SNX3: variants seen among roughly 807,000 people sequenced by gnomAD.
The protein encoded by SNX3 is sorting nexin 3.
A neutral mutation model predicts 17.7 loss-of-function variants in SNX3; 5 were observed. The observed-to-expected ratio is 0.28, with a 90% CI of 0.15 to 0.59. SNX3 has a LOEUF of 0.59. Ranked by LOEUF, SNX3 falls within the 20% of genes least tolerant of loss-of-function variation. The pLI is 0.88. For missense variants in SNX3, 132 were observed against 206.8 expected, an observed-to-expected ratio of 0.64 and a Z score of 2.22; for synonymous variants, 91 against 76.5, an observed-to-expected ratio of 1.19 and a Z score of -0.99.
chr6:108,247,026 G>T (rs970156622), intron 1 of SNX3, among the ~76,000 whole-genome samples: 1 of 152,128 alleles, frequency 6.6e-6, no homozygotes. Flanking sequence ...TAATCCCCAC[G>T]TGTAAACCCC....
At chr6:108,250,882 A>G (rs1380399210) in intron 1 of SNX3, among the ~76,000 whole-genome samples, 6 of 152,230 alleles carry the variant, frequency 3.9e-5, no homozygotes, top group African/African-American at 1.4e-4. Flanking sequence ...ATACTGCTGG[A>G]CACAAAGTAA....
intron 1 of SNX3, among the ~76,000 whole-genome samples, chr6:108,231,514 GC>G (rs1247593572): frequency 7.2e-5 from 11 of 152,188 alleles, no homozygotes; most frequent in African/African-American, 2.7e-4. Context: ...CTCATGACCA[GC>G]TTTGTTTTGC....
At position 108,260,835 on chromosome 6, in the gene SNX3, G is replaced by A. The variant is rs776400846; in HGVS notation, c.87C>T (p.Leu29=). The change falls in exon 1 of 4, where the codon CTC becomes CTT. Residue 29 remains leucine (L), a synonymous_variant. Transcript: ENST00000230085. ...TTTGCGGGTTGCTCACATCGATCTC[G>A]AGGAAGTTGCTGGGGGGTCCGTAGG... is the stretch of plus-strand genomic sequence containing the variant. ...NDAYGPPSNF[L]EIDVSNPQTV... 1.2e-6 allele frequency: 2 copies of A among 1,613,832 alleles called. No individual in the cohort carries two copies. The highest frequency in any genetic ancestry group is 1.7e-6 in the Non-Finnish European group (2 of 1,179,832).
chr6:108,257,537 T>C (rs1276179189), intron 1 of SNX3, among the ~76,000 whole-genome samples: 1 of 152,024 alleles, frequency 6.6e-6, no homozygotes, highest in Non-Finnish European at 1.5e-5. Flanking sequence ...TTACAAAATA[T>C]TAAACTATTC....
intron 1 of SNX3, among the ~76,000 whole-genome samples, chr6:108,258,475 A>AT (rs950167265): frequency 3.3e-5 from 5 of 151,570 alleles, no homozygotes; most frequent in African/African-American, 9.7e-5. Flanking sequence ...AAAAAAAAAA[A>AT]TTTTCTTTAA....
At chr6:108,255,220 G>A (rs987276377) in intron 1 of SNX3, among the ~76,000 whole-genome samples, 6 of 152,192 alleles carry the variant, frequency 3.9e-5, no homozygotes, top group African/African-American at 1.4e-4. Context: ...TCTCCTTGAT[G>A]GAGATCCTGG....
At chr6:108,232,338 A>G (rs1775190467) in intron 1 of SNX3, among the ~76,000 whole-genome samples, 1 of 152,202 alleles carries the variant, frequency 6.6e-6, no homozygotes, top group Non-Finnish European at 1.5e-5. Flanking sequence ...GATATTACAT[A>G]CTAAGGAAAA....
At chr6:108,218,697 T>C (rs1774661753) in intron 2 of SNX3, among the ~76,000 whole-genome samples, 1 of 152,214 alleles carries the variant, frequency 6.6e-6, no homozygotes, top group African/African-American at 2.4e-5. Context: ...AATGAAGTAA[T>C]TGATGCATGT....
intron 1 of SNX3, among the ~76,000 whole-genome samples, chr6:108,223,689 G>A (rs915833392): frequency 9.9e-5 from 15 of 151,496 alleles, no homozygotes; most frequent in Admixed American, 6.6e-5. Flanking sequence ...TAGTAGAGGC[G>A]GGGTTTCACC....
intron 1 of SNX3, among the ~76,000 whole-genome samples, chr6:108,227,509 G>A (rs937799759): frequency 6.6e-5 from 10 of 152,180 alleles, no homozygotes; most frequent in African/African-American, 2.4e-4. Flanking sequence ...CACTCTAACA[G>A]AAAGGGGAGG....
chr6:108,257,165 T>A (rs931778394), intron 1 of SNX3, among the ~76,000 whole-genome samples: 12 of 152,162 alleles, frequency 7.9e-5, no homozygotes, highest in African/African-American at 2.9e-4. Context: ...CATAGCAAAT[T>A]CAACAGCAAA....
At chr6:108,236,859 C>A (rs1775361620) in intron 1 of SNX3, among the ~76,000 whole-genome samples, 1 of 152,154 alleles carries the variant, frequency 6.6e-6, no homozygotes, top group South Asian at 2.1e-4. Context: ...GCTATAACAG[C>A]AACTAGACAT....
chr6:108,259,079 G>C (rs958578777), intron 1 of SNX3, among the ~76,000 whole-genome samples: 2 of 152,138 alleles, frequency 1.3e-5, no homozygotes, highest in African/African-American at 4.8e-5. Flanking sequence ...TAGGGCAAAA[G>C]AGGAAGTTCT....
intron 1 of SNX3, among the ~76,000 whole-genome samples, chr6:108,255,998 G>A (rs1349725301): frequency 6.6e-6 from 1 of 152,168 alleles, no homozygotes; most frequent in Non-Finnish European, 1.5e-5. Context: ...TGGAGGCTGA[G>A]GTGGGAGTAT....
chr6:108,247,738 G>A (rs964819535), intron 1 of SNX3, among the ~76,000 whole-genome samples: 1 of 152,004 alleles, frequency 6.6e-6, no homozygotes, highest in African/African-American at 2.4e-5. Flanking sequence ...AAATGCAGTA[G>A]AATAAACTAT....
At chr6:108,241,157 A>G (rs573434920) in intron 1 of SNX3, among the ~76,000 whole-genome samples, 2,647 of 151,076 alleles carry the variant, frequency 0.018, 45 homozygotes, top group Middle Eastern at 0.072. Context: ...AAAAAAAAAA[A>G]AAAAAAAAAA....
chr6:108,244,929 T>C (rs1207881479), intron 1 of SNX3, among the ~76,000 whole-genome samples: 1 of 152,082 alleles, frequency 6.6e-6, no homozygotes, highest in Non-Finnish European at 1.5e-5. Flanking sequence ...CATGAGCCAC[T>C]GTGCCCGGCC....
chr6:108,249,611 T>C (rs774813062), intron 1 of SNX3, among the ~76,000 whole-genome samples: 1 of 152,156 alleles, frequency 6.6e-6, no homozygotes, highest in Admixed American at 6.5e-5. Context: ...CTTTCCTTTA[T>C]GTGGGTATTC....
At chr6:108,256,988 T>C (rs1298394133) in intron 1 of SNX3, among the ~76,000 whole-genome samples, 3 of 152,222 alleles carry the variant, frequency 2.0e-5, no homozygotes, top group African/African-American at 7.2e-5. Flanking sequence ...AAATGGAGAT[T>C]GGGAAACTTG....
Sources: gnomAD v4.1 joint callset for allele counts (sites outside exome capture counted in the v4.1 genomes callset) on GRCh38, gnomAD v4.1.1 for gene constraint, MANE v1.5 for transcripts, NCBI Gene and HGNC (gene_info 2026-07-23, HGNC 2026-07-21) for gene names.